NRXN3: variants seen among roughly 807,000 people sequenced by gnomAD.
NRXN3 encodes the protein neurexin 3.
In NRXN3, 32 loss-of-function variants were observed where a neutral mutation model predicts 137.6. The observed-to-expected ratio is 0.23, with a 90% confidence interval of 0.18 to 0.31. NRXN3 has a LOEUF of 0.31. Ranked by LOEUF, NRXN3 falls within the 10% of genes least tolerant of loss-of-function variation. The pLI, the probability that NRXN3 is intolerant of heterozygous loss-of-function variation, is 1.00. For synonymous variants in NRXN3, 798 were observed against 784.5 expected, an observed-to-expected ratio of 1.02 and a Z score of -0.29; for missense variants, 1,574 against 2,062.5, an observed-to-expected ratio of 0.76 and a Z score of 4.59.
chr14:79,859,588 G>A (rs1238063122), intron 20 of NRXN3, among the ~76,000 whole-genome samples: 2 of 152,172 alleles, frequency 1.3e-5, no homozygotes, highest in African/African-American at 4.8e-5. Context: ...GAGTCCCCTA[G>A]AACTCTGGTA....
chr14:79,863,110 T>C lies in NRXN3; in HGVS notation c.*1146T>C, dbSNP rs2096514274. 1 of 152,590 alleles carries C rather than the reference T, an allele frequency of 6.6e-6. No homozygotes were observed. The highest frequency in any genetic ancestry group is 1.5e-5 in the Non-Finnish European group (1 of 68,036). 9.5% of individuals were successfully genotyped at this position (152,590 alleles called of 1,614,324 possible). A position where few individuals can be genotyped will look rare whatever the true frequency, so the allele number is the denominator to read the frequency against. On this transcript the variant is annotated 3_prime_UTR_variant, in exon 21 of 21. Transcript: ENST00000335750. ...CAAAAGGTCACACAAGCCAACCATG[T>C]CATGCCAGAGTACAAAACACATAGT...
intron 8 of NRXN3, among the ~76,000 whole-genome samples, chr14:78,778,768 C>A (rs1266240134): frequency 1.7e-5 from 1 of 57,430 alleles, no homozygotes; most frequent in African/African-American, 8.9e-5. Flanking sequence ...CTCTTTCTTT[C>A]TTTCTTTCTT....
chr14:78,928,619 AG>A (rs1195504983), intron 10 of NRXN3, among the ~76,000 whole-genome samples: 1 of 152,142 alleles, frequency 6.6e-6, no homozygotes, highest in African/African-American at 2.4e-5. Flanking sequence ...GTCCCTACAA[AG>A]GACATGAACT....
At chr14:79,321,250 A>G (rs2089969205) in intron 15 of NRXN3, among the ~76,000 whole-genome samples, 1 of 152,148 alleles carries the variant, frequency 6.6e-6, no homozygotes, top group African/African-American at 2.4e-5. Context: ...GTAAAAAATG[A>G]GTTTGTTAGA....
Position 78,197,063 on chromosome 14 carries a change from G to C in NRXN3, c.-704+26389G>C, listed in dbSNP as rs755150298. On this transcript the variant is annotated intron_variant, in intron 1 of 20. Transcript: ENST00000335750. The stretch of plus-strand genomic sequence containing the variant: ...CTTGCTCTCTTTAGGAGACCCTCCT[G>C]CTCCACAAACTGGAGCTGCGGAAGT... Among the ~76,000 whole-genome samples, 85 of 152,184 alleles carry C rather than the reference G, an allele frequency of 5.6e-4. 2 individuals are homozygous for C. The highest frequency in any genetic ancestry group is 2.2e-4 in the Non-Finnish European group (15 of 68,030).
intron 4 of NRXN3, among the ~76,000 whole-genome samples, chr14:78,586,572 C>A (rs895398386): frequency 1.3e-5 from 2 of 152,170 alleles, no homozygotes; most frequent in African/African-American, 4.8e-5. Flanking sequence ...AGTCTGTAGT[C>A]CTCAGCCAAG....
At chr14:79,580,600 G>A (rs938139114) in intron 16 of NRXN3, among the ~76,000 whole-genome samples, 3 of 152,090 alleles carry the variant, frequency 2.0e-5, no homozygotes, top group African/African-American at 7.2e-5. Flanking sequence ...TTAAATGGAG[G>A]ATTATTAGAA....
intron 8 of NRXN3, among the ~76,000 whole-genome samples, chr14:78,788,548 T>C (rs2098796022): frequency 6.6e-6 from 1 of 152,178 alleles, no homozygotes; most frequent in Admixed American, 6.6e-5. Context: ...ATTTCCTGGC[T>C]CTTGGAAAGG....
chr14:79,317,219 C>A (rs573985372), intron 15 of NRXN3, among the ~76,000 whole-genome samples: 1 of 151,646 alleles, frequency 6.6e-6, no homozygotes, highest in South Asian at 2.1e-4. Flanking sequence ...GTGACAAGAG[C>A]GAGGCTACTT....
intron 15 of NRXN3, among the ~76,000 whole-genome samples, chr14:79,285,798 A>G (rs2082137326): frequency 6.6e-6 from 1 of 152,126 alleles, no homozygotes; most frequent in Admixed American, 6.5e-5. Flanking sequence ...GCTTTGACAT[A>G]TGAATTTTGA....
chr14:79,629,814 C>CGTGTGTGTGTGCGTGTGT (rs36174797), intron 16 of NRXN3, among the ~76,000 whole-genome samples: 2 of 92,798 alleles, frequency 2.2e-5, no homozygotes, highest in Non-Finnish European at 4.7e-5. Context: ...TGTGTATGTG[C>CGTGTGTGTGTGCGTGTGT]GTGTGTGTGT....
rs148894382 is a variant in NRXN3 at position 79,354,253 on chromosome 14, T to C, written c.3263-112968T>C. Among the ~76,000 whole-genome samples the C allele has an allele frequency of 6.4e-3, 977 of 152,188 alleles. 8 individuals carry two copies. The highest frequency in any genetic ancestry group is 0.022 in the African/African-American group (933 of 41,534). On this transcript the variant is annotated intron_variant, in intron 15 of 20. Transcript: ENST00000335750. Reference sequence around the variant, plus strand: ...CAAAGGAACAAACTATAAAATGGAGTGTTTCAGAAACCTAAAATACACTAG... The same window carrying C: ...CAAAGGAACAAACTATAAAATGGAGCGTTTCAGAAACCTAAAATACACTAG...
At chr14:78,810,771 G>T (rs1484953214) in intron 10 of NRXN3, among the ~76,000 whole-genome samples, 3 of 152,212 alleles carry the variant, frequency 2.0e-5, no homozygotes, top group Non-Finnish European at 4.4e-5. Flanking sequence ...ACAGGTGGCT[G>T]CCAACTCTGA....
At chr14:79,722,331 T>G (rs1246874362) in intron 19 of NRXN3, among the ~76,000 whole-genome samples, 1 of 152,072 alleles carries the variant, frequency 6.6e-6, no homozygotes, top group Non-Finnish European at 1.5e-5. Flanking sequence ...AGCCCTAGCT[T>G]AAAAACTCCA....
Position 79,818,359 on chromosome 14 carries a change from G to A in NRXN3, c.4093+13169G>A, listed in dbSNP as rs2099259506. ...TGAGCCACCGCGCCCGGCCGCACTT[G>A]GGGTTTCTAGCTCATTATTCATGAT... On this transcript the variant is annotated intron_variant, in intron 20 of 20. Coordinates refer to ENST00000335750, the MANE Select transcript of NRXN3 (RefSeq NM_001330195.2). Among the ~76,000 whole-genome samples, 4 of 152,168 alleles carry A rather than the reference G, an allele frequency of 2.6e-5. No individual in the cohort carries two copies. The South Asian group carries it at 8.3e-4, about 32-fold the overall frequency.
chr14:79,702,339 A>G (rs1006396539), intron 19 of NRXN3, among the ~76,000 whole-genome samples: 3 of 152,038 alleles, frequency 2.0e-5, no homozygotes, highest in Admixed American at 2.0e-4. Context: ...ATAGGGCAAG[A>G]GGGTTTGACA....
chr14:79,765,635 T>C (rs139778133), intron 19 of NRXN3, among the ~76,000 whole-genome samples: 103 of 152,344 alleles, frequency 6.8e-4, no homozygotes, highest in African/African-American at 2.2e-3. Context: ...ACCCTGTCTC[T>C]CATTCACTAT....
chr14:79,533,306 T>C (rs567569007), intron 16 of NRXN3, among the ~76,000 whole-genome samples: 2 of 152,300 alleles, frequency 1.3e-5, no homozygotes, highest in South Asian at 2.1e-4. Flanking sequence ...CAGTGGAGTC[T>C]GCTGTCTCCT....
chr14:79,141,185 A>G (rs1485382324), intron 15 of NRXN3, among the ~76,000 whole-genome samples: 4 of 152,228 alleles, frequency 2.6e-5, no homozygotes, highest in Non-Finnish European at 4.4e-5. Context: ...AACACAGCTC[A>G]TGCCAGTGGT....
Sources: allele counts gnomAD v4.1 joint callset (sites outside exome capture counted in the v4.1 genomes callset), GRCh38; gene constraint gnomAD v4.1.1; transcripts MANE v1.5; gene names NCBI Gene and HGNC (gene_info 2026-07-23, HGNC 2026-07-21).